Variants in AP4B1 observed in about 807,000 individuals in gnomAD.
AP4B1 encodes the protein adaptor related protein complex 4 subunit beta 1.
Under a neutral mutation model 76.5 loss-of-function variants are expected in AP4B1, and 49 were observed. The ratio of observed to expected loss-of-function variants is 0.64; its 90% CI spans 0.51 to 0.81. The LOEUF (loss-of-function observed/expected upper bound fraction) is 0.81. Among genes scored for constraint, AP4B1 ranks in the 40% least tolerant of loss-of-function variants. The pLI is 0.00. For missense variants in AP4B1, 911 were observed against 904.9 expected (o/e 1.01, Z -0.09); for synonymous variants, 330 against 333.3 (o/e 0.99, Z 0.11).
rs765790774 is a variant in AP4B1 at position 113,900,075 on chromosome 1, A to C, written c.943T>G (p.Tyr315Asp). The C allele has an allele frequency of 1.2e-6, 2 of 1,614,242 alleles. No individual in the cohort carries two copies. Among genetic ancestry groups the C allele is most frequent in the South Asian group, 2.2e-5 (2 of 91,092 alleles). ...HSLPGHFSSH[Y>D]KKFFCSYSEP... ...GAGTAGGAGCAAAAAAACTTTTTGTAGTGGCTGCTAAAGTGACCTGGTAAA... is the reference window on the plus strand; with the variant it reads ...GAGTAGGAGCAAAAAAACTTTTTGTCGTGGCTGCTAAAGTGACCTGGTAAA... Residue 315 changes from tyrosine to aspartate, a missense_variant, in exon 5 of 10, where the codon TAC (tyrosine) becomes GAC (aspartate). Tyr to Asp is a radical substitution (Grantham distance 160, BLOSUM62 -3). Transcript: ENST00000369569.
At chr1:113,904,059 T>C (rs1369535441) in intron 1 of AP4B1, among the ~76,000 whole-genome samples, 3 of 152,208 alleles carry the variant, frequency 2.0e-5, no homozygotes, top group African/African-American at 4.8e-5. Context: ...AATTGCTTTA[T>C]TGATGAAGGC....
chr1:113,905,015 C>T (rs1222442729), upstream of AP4B1: 1 of 428,114 alleles, frequency 2.3e-6, no homozygotes, highest in Non-Finnish European at 4.4e-6. Flanking sequence ...GGATTTCCAG[C>T]GCCGCGTCCG....
At position 113,902,683 on chromosome 1, in the gene AP4B1, T is replaced by C. The variant is rs764395542; in HGVS notation, c.293A>G (p.Asn98Ser). 6.2e-6 allele frequency: 10 copies of C among 1,613,840 alleles called. No homozygotes were observed. The highest frequency in any genetic ancestry group is 4.4e-5 in the South Asian group (4 of 91,072). Reference sequence around the variant, plus strand: ...TAACGCCAGCCCTCGCACCATTGGATTGGGGTCTGAGCAGTCTTTGCACAG... The same window carrying C: ...TAACGCCAGCCCTCGCACCATTGGACTGGGGTCTGAGCAGTCTTTGCACAG... ...NTLCKDCSDP[N>S]PMVRGLALRS... The change falls in exon 2 of 10, where the codon AAT becomes AGT. Residue 98 changes from asparagine (N) to serine (S), a missense_variant. Physicochemically the swap from Asn to Ser is conservative, Grantham distance 46 (BLOSUM62 1). Transcript: ENST00000369569.
chr1:113,901,429 A>T, intron 3 of AP4B1, 46 bp from the exon 4 acceptor site: 1 of 1,593,788 alleles, frequency 6.3e-7, no homozygotes, highest in Non-Finnish European at 8.6e-7. Context: ...AAAGCTTCAG[A>T]GTAACAAGGA....
chr1:113,904,948 C>A, upstream of AP4B1: 1 of 506,574 alleles, frequency 2.0e-6, no homozygotes, highest in East Asian at 3.6e-5. Context: ...CTACCGTCGG[C>A]CGGCAGGCCG....
rs528997061 is a variant in AP4B1, at chr1:113,900,209, T to G, written c.809A>C (p.Gln270Pro). The G allele has an allele frequency of 8.2e-5, 132 of 1,611,916 alleles. 3 individuals carry two copies. In the South Asian group the frequency reaches 1.4e-3, roughly 17 times the overall value. ...LILAKMFPHV[Q>P]TDVLVRVKGP... The stretch of plus-strand genomic sequence containing the variant: ...CTTGACCCGCACAAGGACATCAGTT[T>G]GTACGTGGGGAAACATTTTTGCCAA... Residue 270 changes from glutamine (Q) to proline (P), a missense_variant, in exon 5 of 10, where the codon CAA becomes CCA. Physicochemically the swap from Gln to Pro is moderately conservative, Grantham distance 76. Coordinates refer to ENST00000369569, the MANE Select transcript of AP4B1 (RefSeq NM_001253852.3).
chr1:113,902,636 A>G lies in AP4B1; in HGVS notation c.338+2T>C. 6.2e-7 allele frequency: 1 copy of G among 1,612,602 alleles called. No homozygotes were observed. The highest frequency in any genetic ancestry group is 8.5e-7 in the Non-Finnish European group (1 of 1,179,914). On this transcript the variant is annotated splice_donor_variant, in intron 2 of 9. Coordinates refer to ENST00000369569, the MANE Select transcript of AP4B1 (RefSeq NM_001253852.3). LOFTEE classifies it high-confidence loss of function. ...GGACCAGACAGAGAAGAGGGTACTC[A>G]CCTGAGGCTACACATGCTCCGTAAC... is the stretch of plus-strand genomic sequence containing the variant.
At chr1:113,899,716 C>CAA in intron 5 of AP4B1, 188 bp downstream of exon 5, 7 of 832,504 alleles carry the variant, frequency 8.4e-6, no homozygotes, top group East Asian at 2.7e-5. Context: ...CAATCTTGAC[C>CAA]AAAAAAAAAC....
At chr1:113,903,069 CTTA>C (rs775095939) in intron 1 of AP4B1, among the ~76,000 whole-genome samples, 9 of 152,066 alleles carry the variant, frequency 5.9e-5, no homozygotes, top group African/African-American at 9.7e-5. Flanking sequence ...TCAACAAACA[CTTA>C]TTATTATTTT....
intron 4 of AP4B1, chr1:113,900,758 T>C (rs1235363474): frequency 3.5e-6 from 1 of 288,758 alleles, no homozygotes; most frequent in Non-Finnish European, 6.6e-6. Context: ...CCTATATCAA[T>C]AAGGGAAAGT....
rs1267495729 is a variant in AP4B1 at position 113,904,715 on chromosome 1, CATCT to C, written c.-2_2del. The C allele has an allele frequency of 6.2e-7, 1 of 1,612,124 alleles. No homozygotes were observed. The highest frequency in any genetic ancestry group is 1.7e-5 in the Admixed American group (1 of 60,006). ...CCACGTCCTCGGAGCCAAGGTACGG[CATCT>C]TCCTAAGAGTCACAGGGCAGCTCCC... On this transcript the variant is annotated start_lost and 5_prime_UTR_variant, in exon 1 of 10. Transcript: ENST00000369569.
chr1:113,902,570 A>G, intron 2 of AP4B1, 68 bp downstream of exon 2: 1 of 1,506,124 alleles, frequency 6.6e-7, no homozygotes, highest in Non-Finnish European at 9.2e-7. Context: ...TATCCTCTTT[A>G]AAAACCTACC....
intron 6 of AP4B1, 60 bp downstream of exon 6, chr1:113,898,657 CA>C (rs1365071114): frequency 1.6e-6 from 2 of 1,234,506 alleles, no homozygotes; most frequent in Non-Finnish European, 2.4e-6. Context: ...ATGTTTTGAG[CA>C]ACTACTATAG....
At chr1:113,904,846 C>T (rs1668774317), upstream of AP4B1, 1 of 851,706 alleles carries the variant, frequency 1.2e-6, no homozygotes, top group African/African-American at 1.7e-5. Flanking sequence ...GATCTCGCCT[C>T]AGGCTCGGCT....
In AP4B1 at chr1:113,900,148, AC is replaced by A. The variant is rs1485665987; in HGVS notation, c.869del (p.Arg290LeufsTer51). 6.2e-7 allele frequency: 1 copy of A among 1,614,174 alleles called. No individual in the cohort carries two copies. The highest frequency in any genetic ancestry group is 1.7e-5 in the Admixed American group (1 of 60,026). ...PLLAACSSESRELCFVALCHV... is the reference protein window; with the variant it reads ...PLLAACSSESXELCFVALCHV... The stretch of plus-strand genomic sequence containing the variant: ...GACAAAGAGCAACAAAACAGAGCTC[AC>A]GGCTCTCTGAAGAACAGGCAGCTAG... On this transcript the variant is annotated frameshift_variant, in exon 5 of 10. Coordinates refer to ENST00000369569, the MANE Select transcript of AP4B1 (RefSeq NM_001253852.3). LOFTEE classifies it high-confidence loss of function.
chr1:113,902,630 G>A lies in AP4B1; in HGVS notation c.338+8C>T. 1.9e-6 allele frequency: 3 copies of A among 1,611,816 alleles called. No homozygotes were observed. Among genetic ancestry groups the A allele is most frequent in the South Asian group, 1.1e-5 (1 of 90,990 alleles). On this transcript the variant is annotated splice_region_variant and intron_variant, in intron 2 of 9. Coordinates refer to ENST00000369569, the MANE Select transcript of AP4B1 (RefSeq NM_001253852.3). ...CATTTAGGACCAGACAGAGAAGAGG[G>A]TACTCACCTGAGGCTACACATGCTC...
At chr1:113,896,188 A>G (rs768634024) in intron 8 of AP4B1, 70 bp downstream of exon 8, 3 of 1,603,942 alleles carry the variant, frequency 1.9e-6, no homozygotes, top group Non-Finnish European at 2.6e-6. Flanking sequence ...GTGACTCACC[A>G]AACAATGAAA....
In AP4B1 at chr1:113,899,257, T is replaced by C. The variant is rs538527262; in HGVS notation, c.1115-456A>G. On this transcript the variant is annotated intron_variant, in intron 5 of 9. Transcript: ENST00000369569. ...CAAATATGAGGGTTGCTCCTCCTCC[T>C]GTACTTGAAATCCTTCAAAACTTGG... 1.6e-3 allele frequency: 1,617 copies of C among 1,019,722 alleles called. 1 individual carries two copies. Among genetic ancestry groups the C allele is most frequent in the South Asian group, 2.0e-3 (52 of 26,480 alleles). 63.2% of individuals were successfully genotyped at this position (1,019,722 alleles called of 1,614,324 possible).
intron 2 of AP4B1, 91 bp downstream of exon 2, chr1:113,902,547 A>C: frequency 7.8e-7 from 1 of 1,283,448 alleles, no homozygotes; most frequent in Non-Finnish European, 1.1e-6. Context: ...AGTATTAAGG[A>C]GCTCAAATAA....
Sources: gnomAD v4.1 joint callset for allele counts (sites outside exome capture counted in the v4.1 genomes callset) on GRCh38, gnomAD v4.1.1 for gene constraint, MANE v1.5 for transcripts, NCBI Gene and HGNC (gene_info 2026-07-23, HGNC 2026-07-21) for gene names.